The following LYAR variants were observed in gnomAD, a reference collection of about 807,000 sequenced individuals.
The protein encoded by LYAR is cell growth-regulating nucleolar protein.
In LYAR, 37 loss-of-function variants were observed where a neutral mutation model predicts 45.2. That is an observed-to-expected ratio of 0.82 (90% confidence interval 0.63 to 1.08). LYAR has a LOEUF of 1.08. Ranked by LOEUF, LYAR falls within the 50% of genes least tolerant of loss-of-function variation. LYAR has a pLI of 0.00. For synonymous variants in LYAR, 176 were observed against 155.1 expected (o/e 1.14, Z -1.00); for missense variants, 493 against 451.0 (o/e 1.09, Z -0.84).
intron 8 of LYAR, among the ~76,000 whole-genome samples, chr4:4,273,060 G>A (rs558914109): frequency 3.3e-5 from 5 of 152,306 alleles, no homozygotes; most frequent in East Asian, 1.9e-4. Context: ...CCCAGAGATG[G>A]GCAGGGGCAC....
chr4:4,275,705 G>C (rs368603262), intron 6 of LYAR, among the ~76,000 whole-genome samples: 1 of 100,694 alleles, frequency 9.9e-6, no homozygotes, highest in South Asian at 3.9e-4. Flanking sequence ...CCTCATTTAT[G>C]TATTTTTTTT....
Position 4,271,252 on chromosome 4 carries a change from G to A in LYAR, c.919+2331C>T, listed in dbSNP as rs115464078. ...TTTGATTTTTAGATCCCACAAATAAGTGAAAACATGCTATGCTTGTCTTCC... is the reference window on the plus strand; with the variant it reads ...TTTGATTTTTAGATCCCACAAATAAATGAAAACATGCTATGCTTGTCTTCC... On this transcript the variant is annotated intron_variant, in intron 8 of 9. Coordinates refer to ENST00000343470, the MANE Select transcript of LYAR (RefSeq NM_017816.3). 2.0e-3 allele frequency among the ~76,000 whole-genome samples: 303 copies of A among 152,196 alleles called. 1 individual carries two copies. Among genetic ancestry groups the A allele is most frequent in the African/African-American group, 7.0e-3 (292 of 41,510 alleles).
intron 2 of LYAR, among the ~76,000 whole-genome samples, chr4:4,285,478 A>C (rs1719569632): frequency 6.6e-6 from 1 of 152,238 alleles, no homozygotes; most frequent in South Asian, 2.1e-4. Flanking sequence ...CTGCCTGACA[A>C]GGGAGAACAA....
intron 8 of LYAR, among the ~76,000 whole-genome samples, chr4:4,270,446 C>T (rs1718888943): frequency 6.9e-6 from 1 of 144,310 alleles, no homozygotes; most frequent in Non-Finnish European, 1.5e-5. Flanking sequence ...AAAAAACAAG[C>T]AAAAAGACTG....
In LYAR at chr4:4,283,753, A is replaced by G. The variant is rs369773193; in HGVS notation, c.-11T>C. 65 of 1,604,868 alleles carry G rather than the reference A, an allele frequency of 4.1e-5. No individual in the cohort carries two copies. Among genetic ancestry groups the G allele is most frequent in the Non-Finnish European group, 5.4e-5 (64 of 1,176,592 alleles). ...TGTAAAAAATACCATTTTTAGGTAA[A>G]TGGCTAAATATTCTCTATCCAAGAC... On this transcript the variant is annotated 5_prime_UTR_variant, in exon 3 of 10. Coordinates refer to ENST00000343470, the MANE Select transcript of LYAR (RefSeq NM_017816.3).
At position 4,282,169 on chromosome 4, in the gene LYAR, T is replaced by A. The variant is rs1024422148; in HGVS notation, c.123-272A>T. Among the ~76,000 whole-genome samples the A allele has an allele frequency of 3.3e-5, 5 of 152,346 alleles. No individual in the cohort carries two copies. The East Asian group carries it at 5.8e-4, about 18-fold the overall frequency. On this transcript the variant is annotated intron_variant, in intron 3 of 9. Transcript: ENST00000343470. Reference sequence around the variant, plus strand: ...GCTAAATTGATAGGCAGTATTTTTTTAAGTCATAAGTGTACATATACTGAA... The same window carrying A: ...GCTAAATTGATAGGCAGTATTTTTTAAAGTCATAAGTGTACATATACTGAA...
At chr4:4,280,473 A>G (rs769151089) in intron 4 of LYAR, among the ~76,000 whole-genome samples, 2 of 152,184 alleles carry the variant, frequency 1.3e-5, no homozygotes, top group Non-Finnish European at 2.9e-5. Context: ...AGCCAAAACA[A>G]TCTTGAAAAG....
At chr4:4,269,951 G>A (rs1300715073) in intron 8 of LYAR, among the ~76,000 whole-genome samples, 1 of 152,184 alleles carries the variant, frequency 6.6e-6, no homozygotes, top group African/African-American at 2.4e-5. Context: ...GGGCATGGTG[G>A]CTCATGCTTG....
intron 1 of LYAR, among the ~76,000 whole-genome samples, chr4:4,287,750 T>G (rs559625860): frequency 3.9e-5 from 6 of 152,272 alleles, no homozygotes; most frequent in Non-Finnish European, 7.4e-5. Flanking sequence ...TGGTGGTTAC[T>G]CAGCACCTGG....
chr4:4,284,249 T>G (rs769717598), intron 2 of LYAR, among the ~76,000 whole-genome samples: 3 of 152,196 alleles, frequency 2.0e-5, no homozygotes, highest in Non-Finnish European at 4.4e-5. Context: ...TCTCTGTATA[T>G]GAAACTTATA....
At chr4:4,277,416 T>C (rs1420676628) in intron 6 of LYAR, among the ~76,000 whole-genome samples, 1 of 152,184 alleles carries the variant, frequency 6.6e-6, no homozygotes, top group Non-Finnish European at 1.5e-5. Flanking sequence ...GACCAGATTT[T>C]CAGCTGGTGC....
chr4:4,284,246 A>C (rs1200072048), intron 2 of LYAR, among the ~76,000 whole-genome samples: 1 of 152,214 alleles, frequency 6.6e-6, no homozygotes, highest in African/African-American at 2.4e-5. Context: ...CTCTCTCTGT[A>C]TATGAAACTT....
At chr4:4,272,875 T>C (rs1183722708) in intron 8 of LYAR, among the ~76,000 whole-genome samples, 2 of 152,018 alleles carry the variant, frequency 1.3e-5, no homozygotes, top group Admixed American at 1.3e-4. Context: ...ATCCTGGGGG[T>C]TGGGGGAGGT....
At chr4:4,283,211 T>C (rs1196118514) in intron 3 of LYAR, among the ~76,000 whole-genome samples, 1 of 152,166 alleles carries the variant, frequency 6.6e-6, no homozygotes, top group African/African-American at 2.4e-5. Flanking sequence ...AGTGCAGTGG[T>C]GAAATCTCGG....
Position 4,279,443 on chromosome 4 carries a change from T to G in LYAR, c.429+4A>C, listed in dbSNP as rs758293954. The G allele has an allele frequency of 6.3e-7, 1 of 1,595,250 alleles. No individual in the cohort carries two copies. The highest frequency in any genetic ancestry group is 1.7e-5 in the Admixed American group (1 of 59,190). On this transcript the variant is annotated splice_donor_region_variant and intron_variant, in intron 6 of 9. Transcript: ENST00000343470. ...ATGCAAATCTAAAATCAGATCTGAC[T>G]TACGCTGTTGGAAGCTTCAGAAAAG...
chr4:4,271,986 G>C (rs1158458819), intron 8 of LYAR, among the ~76,000 whole-genome samples: 1 of 152,160 alleles, frequency 6.6e-6, no homozygotes, highest in African/African-American at 2.4e-5. Context: ...AGTCTCAAAA[G>C]GTTACATACT....
chr4:4,289,950 G>A (rs1470729361), intron 1 of LYAR, 86 bp downstream of exon 1: 1 of 152,350 alleles, frequency 6.6e-6, no homozygotes, highest in African/African-American at 2.4e-5. Context: ...AACCCAGAGG[G>A]GCTGACGGTG....
At position 4,273,477 on chromosome 4, in the gene LYAR, C is replaced by T; in HGVS notation, c.919+106G>A. 1.3e-6 allele frequency: 1 copy of T among 746,734 alleles called. No homozygotes were observed. 46.3% of individuals were successfully genotyped at this position (746,734 alleles called of 1,614,324 possible). A position where few individuals can be genotyped will look rare whatever the true frequency, so the allele number is the denominator to read the frequency against. The stretch of plus-strand genomic sequence containing the variant: ...GCCCATGGCTCACTACAGCCTCACA[C>T]TCCTGAGCTCAAGTGACCCTCCTGC... On this transcript the variant is annotated intron_variant, in intron 8 of 9. Coordinates refer to ENST00000343470, the MANE Select transcript of LYAR (RefSeq NM_017816.3).
At chr4:4,280,627 C>T (rs1719357840) in intron 4 of LYAR, among the ~76,000 whole-genome samples, 3 of 152,254 alleles carry the variant, frequency 2.0e-5, no homozygotes, top group South Asian at 4.1e-4. Context: ...GACCCATGCA[C>T]CTCAACCTTA....
Sources: gnomAD v4.1 joint callset for allele counts (sites outside exome capture counted in the v4.1 genomes callset) on GRCh38, gnomAD v4.1.1 for gene constraint, MANE v1.5 for transcripts, NCBI Gene and HGNC (gene_info 2026-07-23, HGNC 2026-07-21) for gene names.